The following KCNJ6 variants were observed in gnomAD, a reference collection of about 807,000 sequenced individuals.
KCNJ6 encodes the protein G protein-activated inward rectifier potassium channel 2.
In KCNJ6, 9 loss-of-function variants were observed where a neutral mutation model predicts 34.2. That is an observed-to-expected ratio of 0.26 (90% CI 0.16 to 0.46). KCNJ6 has a LOEUF of 0.46. Among genes scored for constraint, KCNJ6 ranks in the 20% least tolerant of loss-of-function variants. KCNJ6 has a pLI of 1.00. For missense variants in KCNJ6, 236 were observed against 531.3 expected, an observed-to-expected ratio of 0.44 and a Z score of 5.46; for synonymous variants, 196 against 207.1, an observed-to-expected ratio of 0.95 and a Z score of 0.46.
intron 2 of KCNJ6, among the ~76,000 whole-genome samples, chr21:37,814,203 G>A (rs573886314): frequency 6.6e-6 from 1 of 152,270 alleles, no homozygotes; most frequent in South Asian, 2.1e-4. Flanking sequence ...CAACTATAAT[G>A]AGATATCATT....
At chr21:37,816,227 A>G (rs1169060307) in intron 2 of KCNJ6, among the ~76,000 whole-genome samples, 2 of 152,162 alleles carry the variant, frequency 1.3e-5, no homozygotes, top group East Asian at 3.9e-4. Flanking sequence ...GCTCTGTGGT[A>G]GGTGCTGCAG....
intron 1 of KCNJ6, among the ~76,000 whole-genome samples, chr21:37,847,907 G>T (rs913882539): frequency 2.6e-5 from 4 of 152,226 alleles, no homozygotes; most frequent in African/African-American, 9.7e-5. Context: ...AGGAGGGGAA[G>T]AAGAGTGATG....
chr21:37,831,977 G>A (rs2055428304), intron 2 of KCNJ6, among the ~76,000 whole-genome samples: 1 of 152,128 alleles, frequency 6.6e-6, no homozygotes, highest in East Asian at 1.9e-4. Flanking sequence ...AGCTGAGGGG[G>A]ATGGAGTCCC....
chr21:37,681,661 A>G (rs1255269621), intron 3 of KCNJ6, among the ~76,000 whole-genome samples: 2 of 152,250 alleles, frequency 1.3e-5, no homozygotes, highest in African/African-American at 4.8e-5. Flanking sequence ...TCACGCTAAA[A>G]GGTAAAACAT....
chr21:37,693,999 C>CA (rs1456462790), intron 3 of KCNJ6, among the ~76,000 whole-genome samples: 1 of 152,060 alleles, frequency 6.6e-6, no homozygotes, highest in Admixed American at 6.5e-5. Flanking sequence ...TAAACATTGA[C>CA]ATTTAATCCC....
chr21:37,810,357 T>C (rs1489485177), intron 2 of KCNJ6, among the ~76,000 whole-genome samples: 1 of 152,216 alleles, frequency 6.6e-6, no homozygotes, highest in Non-Finnish European at 1.5e-5. Flanking sequence ...TGAGCAACCT[T>C]GCATACATCT....
chr21:37,832,041 G>T (rs762245995), intron 2 of KCNJ6, among the ~76,000 whole-genome samples: 5 of 152,084 alleles, frequency 3.3e-5, no homozygotes, highest in Non-Finnish European at 7.3e-5. Flanking sequence ...TATGCCTCTG[G>T]TAGGGACATA....
At chr21:37,866,950 A>G (rs2055625719) in intron 1 of KCNJ6, among the ~76,000 whole-genome samples, 1 of 152,218 alleles carries the variant, frequency 6.6e-6, no homozygotes, top group South Asian at 2.1e-4. Context: ...CAATCTCTAA[A>G]TTGTAGAGAA....
rs141066452 is a variant in KCNJ6 at position 37,794,242 on chromosome 21, C to T, written c.25+46416G>A. Among the ~76,000 whole-genome samples, 469 of 152,280 alleles carry T rather than the reference C, an allele frequency of 3.1e-3. 3 individuals carry two copies. The highest frequency in any genetic ancestry group is 0.01 in the African/African-American group (434 of 41,560). On this transcript the variant is annotated intron_variant, in intron 2 of 3. Coordinates refer to ENST00000609713, the MANE Select transcript of KCNJ6 (RefSeq NM_002240.5). ...ATTTCTCCATCTGTTGGTTGTGACC[C>T]TTCATCATACATAGATAGTGGTTAA...
At chr21:37,707,132 G>A (rs2054724287) in intron 3 of KCNJ6, among the ~76,000 whole-genome samples, 1 of 152,126 alleles carries the variant, frequency 6.6e-6, no homozygotes, top group Admixed American at 6.5e-5. Context: ...GGCCAGGCTG[G>A]CTTTTACCCT....
intron 2 of KCNJ6, among the ~76,000 whole-genome samples, chr21:37,836,831 A>G (rs1049998651): frequency 4.6e-5 from 7 of 152,174 alleles, no homozygotes; most frequent in African/African-American, 1.7e-4. Context: ...TGGCATGTGT[A>G]TACCTCTGTA....
chr21:37,692,491 G>T (rs549915642), intron 3 of KCNJ6, among the ~76,000 whole-genome samples: 6 of 152,248 alleles, frequency 3.9e-5, no homozygotes, highest in African/African-American at 1.4e-4. Flanking sequence ...TCTATCCCAA[G>T]CCCCATTTTA....
chr21:37,770,165 A>G (rs75669187), intron 2 of KCNJ6, among the ~76,000 whole-genome samples: 3 of 152,204 alleles, frequency 2.0e-5, no homozygotes, highest in Non-Finnish European at 4.4e-5. Flanking sequence ...CTTTCACCCT[A>G]TCTGAGGAAG....
At chr21:37,805,159 G>C (rs1484683943) in intron 2 of KCNJ6, among the ~76,000 whole-genome samples, 1 of 152,110 alleles carries the variant, frequency 6.6e-6, no homozygotes, top group African/African-American at 2.4e-5. Flanking sequence ...TTTTTGGGGT[G>C]ATAGAAATGT....
At chr21:37,741,297 G>A (rs1004999953) in intron 2 of KCNJ6, among the ~76,000 whole-genome samples, 3 of 152,166 alleles carry the variant, frequency 2.0e-5, no homozygotes, top group Non-Finnish European at 4.4e-5. Context: ...TGCAGCCCAG[G>A]AGAATGACCT....
intron 1 of KCNJ6, among the ~76,000 whole-genome samples, chr21:37,863,912 C>CAGTTTGG (rs2055608702): frequency 8.2e-6 from 1 of 121,780 alleles, no homozygotes; most frequent in East Asian, 2.4e-4. Context: ...GCTATATTGG[C>CAGTTTGG]AGTTTGGAGG....
At chr21:37,727,867 T>A (rs1322754260) in intron 2 of KCNJ6, among the ~76,000 whole-genome samples, 1 of 151,964 alleles carries the variant, frequency 6.6e-6, no homozygotes, top group Non-Finnish European at 1.5e-5. Flanking sequence ...CTATTTCAGT[T>A]GATTCATTGA....
chr21:37,872,523 T>C, intron 1 of KCNJ6, among the ~76,000 whole-genome samples: 1 of 152,202 alleles, frequency 6.6e-6, no homozygotes. Flanking sequence ...CATGGCTTAA[T>C]AACACTCATT....
intron 2 of KCNJ6, among the ~76,000 whole-genome samples, chr21:37,742,460 T>C (rs969011212): frequency 6.6e-6 from 1 of 152,180 alleles, no homozygotes; most frequent in Non-Finnish European, 1.5e-5. Flanking sequence ...TTCTGGATTA[T>C]AAAGATGGTA....
Sources: gnomAD v4.1 joint callset for allele counts (sites outside exome capture counted in the v4.1 genomes callset) on GRCh38, gnomAD v4.1.1 for gene constraint, MANE v1.5 for transcripts, NCBI Gene and HGNC (gene_info 2026-07-23, HGNC 2026-07-21) for gene names.